GPR107: variants seen among roughly 807,000 people sequenced by gnomAD.
GPR107 encodes protein GPR107.
A neutral mutation model predicts 75.5 loss-of-function variants in GPR107; 31 were observed. The ratio of observed to expected loss-of-function variants is 0.41; its 90% CI spans 0.31 to 0.55. The LOEUF (loss-of-function observed/expected upper bound fraction) is 0.55, where lower values mean the gene tolerates loss of function less well. GPR107 is among the 20% of genes least tolerant of loss of function. The pLI is 0.26. For missense variants in GPR107, 572 were observed against 665.7 expected, an observed-to-expected ratio of 0.86 and a Z score of 1.55; for synonymous variants, 267 against 251.3, an observed-to-expected ratio of 1.06 and a Z score of -0.59.
chr9:130,072,479 A>G (rs1439649065), intron 1 of GPR107, among the ~76,000 whole-genome samples: 2 of 151,974 alleles, frequency 1.3e-5, no homozygotes, highest in Admixed American at 1.3e-4. Flanking sequence ...TCGGCCTCCC[A>G]AAGTGCCGGG....
rs72759147 is a variant in GPR107 at position 130,124,964 on chromosome 9, G to T, written c.1356G>T (p.Leu452Phe). The stretch of plus-strand genomic sequence containing the variant: ...AACTTTTCAGACATTATTACGTCTT[G>T]GTAAGTAAAAAAAAAAAAAATCCTC... ...KLKLFRHYYV[L>F]IVCYIYFTRI... Residue 452 changes from leucine to phenylalanine, a missense_variant and splice_region_variant, in exon 15 of 18, where the codon TTG becomes TTT. Transcript: ENST00000347136. 2.3e-6 allele frequency: 3 copies of T among 1,291,260 alleles called. No homozygotes were observed. The highest frequency in any genetic ancestry group is 2.6e-5 in the East Asian group (1 of 38,636). The allele number at this position is 1,291,260 out of a possible 1,614,324, so 80.0% of individuals were successfully genotyped here.
At chr9:130,110,536 G>T (rs1216222296) in intron 14 of GPR107, 1 of 685,840 alleles carries the variant, frequency 1.5e-6, no homozygotes, top group Non-Finnish European at 2.7e-6. Flanking sequence ...GAGCAGATTA[G>T]AACGGGATTG....
At chr9:130,117,731 C>A (rs1369072776) in intron 14 of GPR107, among the ~76,000 whole-genome samples, 1 of 151,796 alleles carries the variant, frequency 6.6e-6, no homozygotes, top group African/African-American at 2.4e-5. Flanking sequence ...TGAAGCCCAG[C>A]AGAGAGGAAG....
At chr9:130,100,558 C>T (rs1042631660) in intron 10 of GPR107, 71 bp from the exon 11 acceptor site, 105 of 1,089,190 alleles carry the variant, frequency 9.6e-5, no homozygotes, top group Non-Finnish European at 1.4e-4. Context: ...CCAAATGGGT[C>T]CAAGTTAAAA....
At chr9:130,090,828 A>G in intron 7 of GPR107, 48 bp from the exon 8 acceptor site, 1 of 681,362 alleles carries the variant, frequency 1.5e-6, no homozygotes, top group Non-Finnish European at 2.6e-6. Context: ...AAAAATATAT[A>G]TCGCTGAGGA....
intron 1 of GPR107, among the ~76,000 whole-genome samples, chr9:130,075,254 T>G (rs1301878849): frequency 1.4e-5 from 2 of 145,410 alleles, no homozygotes; most frequent in African/African-American, 5.1e-5. Context: ...TTTTTTTTTT[T>G]TTTTTTTTGA....
At chr9:130,104,611 ACT>A in intron 13 of GPR107, 61 bp downstream of exon 13, 1 of 1,415,818 alleles carries the variant, frequency 7.1e-7, no homozygotes, top group Non-Finnish European at 1.0e-6. Flanking sequence ...CAATAGCTGA[ACT>A]GGCCATTCCC....
chr9:130,090,759 A>G (rs868404975), intron 7 of GPR107, 117 bp from the exon 8 acceptor site: 3 of 523,796 alleles, frequency 5.7e-6, no homozygotes, highest in Non-Finnish European at 1.0e-5. Context: ...GTTTAGAAAT[A>G]TAGCTGAGTA....
chr9:130,094,033 T>C (rs1678211672), intron 9 of GPR107, among the ~76,000 whole-genome samples: 1 of 152,160 alleles, frequency 6.6e-6, no homozygotes, highest in Admixed American at 6.5e-5. Context: ...CAGGCTGGTC[T>C]TGAACTGCTG....
intron 14 of GPR107, among the ~76,000 whole-genome samples, chr9:130,121,532 C>G (rs1471588142): frequency 6.6e-6 from 1 of 152,170 alleles, no homozygotes; most frequent in South Asian, 2.1e-4. Context: ...TTAGCCCTGC[C>G]CCATTTCCTA....
At position 130,119,823 on chromosome 9, in the gene GPR107, TTTTGTTTG is replaced by T. The variant is rs145764411; in HGVS notation, c.1307-5068_1307-5061del. ...TGGGTTTTTATTTTTAGTCTGTTTT[TTTTGTTTG>T]TTTGTTTGTTTGTTTGTTTGTTTTA... On this transcript the variant is annotated intron_variant, in intron 14 of 17. Transcript: ENST00000347136. 5.0e-4 allele frequency among the ~76,000 whole-genome samples: 75 copies of T among 150,514 alleles called. 1 individual carries two copies. Among genetic ancestry groups the T allele is most frequent in the African/African-American group, 1.4e-3 (58 of 40,888 alleles).
chr9:130,085,923 G>A (rs1830606161), intron 6 of GPR107, among the ~76,000 whole-genome samples: 2 of 151,726 alleles, frequency 1.3e-5, no homozygotes, highest in African/African-American at 4.8e-5. Flanking sequence ...GCTGATTTTT[G>A]TATTTTTAGT....
intron 12 of GPR107, among the ~76,000 whole-genome samples, chr9:130,101,556 G>T (rs537246899): frequency 1.3e-5 from 2 of 152,380 alleles, no homozygotes; most frequent in African/African-American, 4.8e-5. Context: ...TGGCAAGGAA[G>T]CTCAGAGATG....
In GPR107 at chr9:130,135,151, A is replaced by C; in HGVS notation, c.*30A>C. 8.0e-7 allele frequency: 1 copy of C among 1,242,790 alleles called. No individual in the cohort carries two copies. The highest frequency in any genetic ancestry group is 1.9e-4 in the Middle Eastern group (1 of 5,274). 77.0% of individuals were successfully genotyped at this position (1,242,790 alleles called of 1,614,324 possible). On this transcript the variant is annotated 3_prime_UTR_variant, in exon 18 of 18. Coordinates refer to ENST00000347136, the MANE Select transcript of GPR107 (RefSeq NM_020960.5). Reference sequence around the variant, plus strand: ...GCCGACCCTGAGGATGGCACTGTCCAAGGAAACTGTTAACTTATTCATAGT... The same window carrying C: ...GCCGACCCTGAGGATGGCACTGTCCCAGGAAACTGTTAACTTATTCATAGT...
In GPR107 at chr9:130,062,370, G is replaced by A. The variant is rs185258296; in HGVS notation, c.141+8297G>A. Reference sequence around the variant, plus strand: ...GGAGGTTGCAGTGAGCTGAGATTGCGCTATTGCACTCCAGCCTGGGTGACA... The same window carrying A: ...GGAGGTTGCAGTGAGCTGAGATTGCACTATTGCACTCCAGCCTGGGTGACA... On this transcript the variant is annotated intron_variant, in intron 1 of 17. Transcript: ENST00000347136. Among the ~76,000 whole-genome samples, 965 of 149,810 alleles carry A rather than the reference G, an allele frequency of 6.4e-3. 14 individuals carry two copies. Among genetic ancestry groups the A allele is most frequent in the African/African-American group, 0.022 (905 of 40,844 alleles).
intron 1 of GPR107, among the ~76,000 whole-genome samples, chr9:130,073,824 C>T (rs576757725): frequency 1.5e-4 from 23 of 152,322 alleles, no homozygotes; most frequent in African/African-American, 4.8e-4. Flanking sequence ...GGCACGATCT[C>T]GGCTCACTGC....
At chr9:130,087,899 T>C (rs1372998064) in intron 7 of GPR107, among the ~76,000 whole-genome samples, 1 of 151,646 alleles carries the variant, frequency 6.6e-6, no homozygotes, top group African/African-American at 2.4e-5. Flanking sequence ...TATATACCCA[T>C]GTAATTCACT....
chr9:130,097,177 CAG>C (rs1477379993), intron 9 of GPR107, among the ~76,000 whole-genome samples: 9 of 107,682 alleles, frequency 8.4e-5, no homozygotes, highest in Non-Finnish European at 1.4e-4. Context: ...TTTTTTGAGA[CAG>C]AGTCTCACTC....
intron 1 of GPR107, among the ~76,000 whole-genome samples, chr9:130,055,812 C>G (rs1829774051): frequency 1.3e-5 from 2 of 151,082 alleles, no homozygotes; most frequent in African/African-American, 4.9e-5. Context: ...GGCATGGTGG[C>G]ACATGCCTGT....
Sources: allele counts gnomAD v4.1 joint callset (sites outside exome capture counted in the v4.1 genomes callset), GRCh38; gene constraint gnomAD v4.1.1; transcripts MANE v1.5; gene names NCBI Gene and HGNC (gene_info 2026-07-23, HGNC 2026-07-21).